Variants in MYT1L observed in about 807,000 individuals in gnomAD.
MYT1L encodes the protein myelin transcription factor 1 like, also known as myelin transcription factor 1-like protein.
A neutral mutation model predicts 126.7 loss-of-function variants in MYT1L; 12 were observed. That is an observed-to-expected ratio of 0.09 (90% confidence interval 0.06 to 0.15). The LOEUF is 0.15. MYT1L is among the 10% of genes least tolerant of loss of function. The pLI is 1.00. For synonymous variants in MYT1L, 541 were observed against 604.2 expected, an observed-to-expected ratio of 0.90 and a Z score of 1.53; for missense variants, 979 against 1,585.2, an observed-to-expected ratio of 0.62 and a Z score of 6.49.
chr2:1,986,543 G>C (rs1011505969), intron 5 of MYT1L, among the ~76,000 whole-genome samples: 34 of 152,134 alleles, frequency 2.2e-4, no homozygotes, highest in African/African-American at 8.2e-4. Context: ...ATGTCTACAG[G>C]GTAATCGAGG....
chr2:1,872,552 G>C (rs962124628), intron 18 of MYT1L, among the ~76,000 whole-genome samples: 1 of 152,180 alleles, frequency 6.6e-6, no homozygotes. Flanking sequence ...ATAAGGCAAA[G>C]ATATATTCGA....
At chr2:2,075,294 G>T (rs918636753) in intron 3 of MYT1L, among the ~76,000 whole-genome samples, 1 of 152,020 alleles carries the variant, frequency 6.6e-6, no homozygotes, top group South Asian at 2.1e-4. Context: ...CCCTTTTGTG[G>T]GTCTTTCTTT....
intron 3 of MYT1L, among the ~76,000 whole-genome samples, chr2:2,107,609 T>TA (rs1211456270): frequency 6.6e-6 from 1 of 152,154 alleles, no homozygotes; most frequent in African/African-American, 2.4e-5. Flanking sequence ...GTTTTTTTTT[T>TA]ATGTTACTTC....
intron 21 of MYT1L, among the ~76,000 whole-genome samples, chr2:1,829,086 C>G (rs929711354): frequency 6.6e-6 from 1 of 152,112 alleles, no homozygotes; most frequent in African/African-American, 2.4e-5. Flanking sequence ...CCCATCCTCC[C>G]TGCATCTACT....
chr2:2,026,001 C>T (rs1018765757), intron 4 of MYT1L, among the ~76,000 whole-genome samples: 1 of 152,210 alleles, frequency 6.6e-6, no homozygotes, highest in Non-Finnish European at 1.5e-5. Context: ...CTAATCGGTG[C>T]TTCAAAGTAG....
rs2063318029 is a variant in MYT1L at position 2,006,263 on chromosome 2, T to C, written c.-157-8916A>G. Among the ~76,000 whole-genome samples, 4 of 152,232 alleles carry C rather than the reference T, an allele frequency of 2.6e-5. No homozygotes were observed. The South Asian group carries it at 8.3e-4, about 32-fold the overall frequency. ...CATTTCATTAAAAAAAATGTTATCA[T>C]GTATGTTTGATGTTTACAACATGTT... On this transcript the variant is annotated intron_variant, in intron 4 of 24. Transcript: ENST00000647738.
intron 1 of MYT1L, among the ~76,000 whole-genome samples, chr2:2,313,491 A>C (rs2096009917): frequency 6.6e-6 from 1 of 151,558 alleles, no homozygotes; most frequent in African/African-American, 2.4e-5. Flanking sequence ...GGCTTTACTT[A>C]GTTTGAAATT....
chr2:1,894,724 C>T (rs889248919), intron 14 of MYT1L, among the ~76,000 whole-genome samples: 11 of 152,114 alleles, frequency 7.2e-5, no homozygotes, highest in African/African-American at 2.4e-4. Context: ...TGACATAGGT[C>T]GGCTGGCAAC....
intron 8 of MYT1L, among the ~76,000 whole-genome samples, chr2:1,949,448 A>G (rs914325673): frequency 7.3e-5 from 11 of 151,272 alleles, no homozygotes; most frequent in Non-Finnish European, 1.3e-4. Context: ...TTGCTGTTGT[A>G]GCTTTCACAG....
At chr2:2,282,185 T>C (rs886766307) in intron 2 of MYT1L, among the ~76,000 whole-genome samples, 2 of 152,226 alleles carry the variant, frequency 1.3e-5, no homozygotes, top group African/African-American at 2.4e-5. Context: ...TCTCAAAATC[T>C]GGATCATGTT....
chr2:1,887,348 GA>G lies in MYT1L; in HGVS notation c.2642+139del. 1.8e-6 allele frequency: 2 copies of G among 1,102,502 alleles called. No individual in the cohort carries two copies. Among genetic ancestry groups the G allele is most frequent in the Non-Finnish European group, 2.6e-6 (2 of 755,074 alleles). 68.3% of individuals were successfully genotyped at this position (1,102,502 alleles called of 1,614,324 possible). On this transcript the variant is annotated intron_variant, in intron 17 of 24. Transcript: ENST00000647738. This position sits in a 1 kb window ranked among gnomAD's most constrained non-coding sequence, Gnocchi z 4.8. Reference sequence around the variant, plus strand: ...TGCACGGTTAGCTGCTCACTCTACTGACCCAGCAGTCGGAAACATTTATATG... The same window carrying G: ...TGCACGGTTAGCTGCTCACTCTACTGCCCAGCAGTCGGAAACATTTATATG...
chr2:2,056,998 A>T (rs931669331), intron 3 of MYT1L, among the ~76,000 whole-genome samples: 14 of 152,214 alleles, frequency 9.2e-5, no homozygotes, highest in Non-Finnish European at 1.6e-4. Flanking sequence ...AAGAATACAG[A>T]GATCCCATGC....
chr2:2,075,008 C>A (rs2075060066), intron 3 of MYT1L, among the ~76,000 whole-genome samples: 1 of 152,190 alleles, frequency 6.6e-6, no homozygotes, highest in East Asian at 1.9e-4. Context: ...ATAAGGCACT[C>A]TGAAGTGAAG....
intron 18 of MYT1L, among the ~76,000 whole-genome samples, chr2:1,865,319 C>T (rs974893736): frequency 6.6e-6 from 1 of 152,180 alleles, no homozygotes; most frequent in Non-Finnish European, 1.5e-5. Context: ...GCTCCTGCGG[C>T]CGTGCGGGGT....
rs567038434 is a variant in MYT1L at position 2,121,861 on chromosome 2, G to A, written c.-304+51011C>T. Among the ~76,000 whole-genome samples, 177 of 152,278 alleles carry A rather than the reference G, an allele frequency of 1.2e-3. 1 individual carries two copies. Among genetic ancestry groups the A allele is most frequent in the Admixed American group, 5.3e-3 (81 of 15,292 alleles). ...CTACTGGAGCCCAGGAGGGGGCTGC[G>A]GTCGCCTGTGATCTCAGTCCCTTCT... On this transcript the variant is annotated intron_variant, in intron 3 of 24. Coordinates refer to ENST00000647738, the MANE Select transcript of MYT1L (RefSeq NM_001303052.2).
At chr2:2,156,895 C>T (rs1289858886) in intron 3 of MYT1L, among the ~76,000 whole-genome samples, 1 of 152,182 alleles carries the variant, frequency 6.6e-6, no homozygotes, top group Non-Finnish European at 1.5e-5. Flanking sequence ...GAAAAATATA[C>T]ATGTTTTAAT....
Position 1,790,608 on chromosome 2 carries a change from G to C in MYT1L, c.*1259C>G, listed in dbSNP as rs1400966727. ...CTCTGCAAATGCTCTATGGTCAACT[G>C]GTCTCCACCCAAGTGTAGAACAGAA... On this transcript the variant is annotated 3_prime_UTR_variant, in exon 25 of 25. Transcript: ENST00000647738. 1 of 152,330 alleles carries C rather than the reference G, an allele frequency of 6.6e-6. No homozygotes were observed. Among genetic ancestry groups the C allele is most frequent in the Admixed American group, 6.5e-5 (1 of 15,294 alleles). 9.4% of individuals were successfully genotyped at this position (152,330 alleles called of 1,614,324 possible).
chr2:2,272,187 C>T (rs978229740), intron 2 of MYT1L, among the ~76,000 whole-genome samples: 1 of 152,098 alleles, frequency 6.6e-6, no homozygotes, highest in South Asian at 2.1e-4. Flanking sequence ...TTGCCCAGCT[C>T]TCTTCCCTCC....
intron 18 of MYT1L, among the ~76,000 whole-genome samples, chr2:1,876,546 C>T (rs562323891): frequency 5.3e-5 from 8 of 152,234 alleles, no homozygotes; most frequent in Non-Finnish European, 7.4e-5. Flanking sequence ...AACCTTTCCC[C>T]ATGGCCCGTG....
Sources: gnomAD v4.1 joint callset for allele counts (sites outside exome capture counted in the v4.1 genomes callset) on GRCh38, gnomAD v4.1.1 for gene constraint, Gnocchi (gnomAD v3.1) non-coding constraint, MANE v1.5 for transcripts, NCBI Gene and HGNC (gene_info 2026-07-23, HGNC 2026-07-21) for gene names.